CEP128: variants seen among roughly 807,000 people sequenced by gnomAD.
The protein encoded by CEP128 is centrosomal protein 128kDa.
Under a neutral mutation model 156.7 loss-of-function variants are expected in CEP128, and 132 were observed. The ratio of observed to expected loss-of-function variants is 0.84; its 90% confidence interval spans 0.73 to 0.97. The LOEUF (loss-of-function observed/expected upper bound fraction) is 0.97. CEP128 is among the 50% of genes least tolerant of loss of function. CEP128 has a pLI of 0.00. For missense variants in CEP128, 1,252 were observed against 1,281.9 expected, an observed-to-expected ratio of 0.98 and a Z score of 0.36; for synonymous variants, 469 against 448.9, an observed-to-expected ratio of 1.04 and a Z score of -0.57.
chr14:80,617,562 G>C (rs1346236859), intron 19 of CEP128, among the ~76,000 whole-genome samples: 1 of 151,954 alleles, frequency 6.6e-6, no homozygotes, highest in Non-Finnish European at 1.5e-5. Context: ...AAGAACATAA[G>C]GTGGGGGGTG....
intron 20 of CEP128, among the ~76,000 whole-genome samples, chr14:80,571,004 T>G (rs1188380708): frequency 6.6e-6 from 1 of 152,238 alleles, no homozygotes; most frequent in African/African-American, 2.4e-5. Context: ...CCATATGTCT[T>G]TTCTAAGTAA....
chr14:80,540,074 G>A lies in CEP128; in HGVS notation c.2881-9188C>T, dbSNP rs149584159. Among the ~76,000 whole-genome samples, 434 of 152,238 alleles carry A rather than the reference G, an allele frequency of 2.9e-3. 2 individuals carry two copies. Among genetic ancestry groups the A allele is most frequent in the African/African-American group, 9.9e-3 (411 of 41,548 alleles). ...CCGCTGAACATAGACCCTTATCAAT[G>A]GTTCTGCTTTTTCCCTTTGTCCTGT... is the stretch of plus-strand genomic sequence containing the variant. On this transcript the variant is annotated intron_variant, in intron 21 of 24. Coordinates refer to ENST00000555265, the MANE Select transcript of CEP128 (RefSeq NM_152446.5).
intron 15 of CEP128, among the ~76,000 whole-genome samples, chr14:80,781,359 A>G (rs986928302): frequency 6.7e-6 from 1 of 149,618 alleles, no homozygotes; most frequent in African/African-American, 2.5e-5. Context: ...TGGGAGGCTG[A>G]GGCAGGAGAA....
At chr14:80,945,996 G>A (rs891471855), upstream of CEP128, among the ~76,000 whole-genome samples, 1 of 152,178 alleles carries the variant, frequency 6.6e-6, no homozygotes. Context: ...TTGGATTCAA[G>A]TCCGTTATAA....
At chr14:80,566,169 C>A (rs1166101142) in intron 20 of CEP128, among the ~76,000 whole-genome samples, 1 of 152,166 alleles carries the variant, frequency 6.6e-6, no homozygotes, top group African/African-American at 2.4e-5. Flanking sequence ...CACTCAACTT[C>A]ACCCAAAGAG....
At chr14:80,600,732 A>C (rs1892545855) in intron 19 of CEP128, among the ~76,000 whole-genome samples, 1 of 152,152 alleles carries the variant, frequency 6.6e-6, no homozygotes, top group South Asian at 2.1e-4. Context: ...ACATAGACAA[A>C]AATGTATTTT....
intron 1 of CEP128, among the ~76,000 whole-genome samples, chr14:80,941,182 A>T (rs866873726): frequency 1.3e-5 from 2 of 150,522 alleles, no homozygotes; most frequent in Non-Finnish European, 3.0e-5. Context: ...AACAGGTATT[A>T]AAAAAAAAAT....
intron 19 of CEP128, among the ~76,000 whole-genome samples, chr14:80,598,052 C>T (rs1281790567): frequency 1.3e-5 from 2 of 148,226 alleles, no homozygotes; most frequent in South Asian, 2.2e-4. Context: ...GACAAGAATA[C>T]CTACTCTCAC....
rs1555390205 is a variant in CEP128 at position 80,678,049 on chromosome 14, A to AATATATATATAT, written c.2806+65014_2806+65025dup. On this transcript the variant is annotated intron_variant, in intron 19 of 24. Transcript: ENST00000555265. ...ATGGACAGTTGCTCTATAAAAAAAAAATATATATATATATGTATATATATA... is the reference window on the plus strand; with the variant it reads ...ATGGACAGTTGCTCTATAAAAAAAAAATATATATATATATATATATATATATGTATATATATA... 9.7e-4 allele frequency among the ~76,000 whole-genome samples: 96 copies of AATATATATATAT among 98,480 alleles called. 1 individual carries two copies. The highest frequency in any genetic ancestry group is 2.7e-3 in the African/African-American group (86 of 31,746). 64.6% of individuals were successfully genotyped at this position (98,480 alleles called of 152,430 possible). A position where few individuals can be genotyped will look rare whatever the true frequency, so the allele number is the denominator to read the frequency against.
chr14:80,956,809 AG>A (rs1052714858), intron 2 of CEP128, among the ~76,000 whole-genome samples: 7 of 152,206 alleles, frequency 4.6e-5, no homozygotes, highest in Admixed American at 2.0e-4. Context: ...ATTTGAGCAC[AG>A]AGATATATTT....
chr14:80,641,636 G>C (rs1052982796), intron 19 of CEP128, among the ~76,000 whole-genome samples: 1 of 152,132 alleles, frequency 6.6e-6, no homozygotes, highest in African/African-American at 2.4e-5. Flanking sequence ...TATGGCTGCT[G>C]AAAGAGTGCT....
At chr14:80,626,629 G>T (rs565021348) in intron 19 of CEP128, among the ~76,000 whole-genome samples, 2 of 152,246 alleles carry the variant, frequency 1.3e-5, no homozygotes, top group South Asian at 4.2e-4. Context: ...AAAAGGGCAG[G>T]AGAAAGAATT....
chr14:80,896,111 A>G (rs1013593952), intron 7 of CEP128, among the ~76,000 whole-genome samples: 1 of 152,184 alleles, frequency 6.6e-6, no homozygotes, highest in African/African-American at 2.4e-5. Flanking sequence ...ATCACTCTCA[A>G]TAAACACACA....
intron 19 of CEP128, among the ~76,000 whole-genome samples, chr14:80,584,498 T>C (rs756422170): frequency 8.5e-5 from 13 of 152,168 alleles, no homozygotes; most frequent in Non-Finnish European, 1.5e-4. Context: ...CTATCTTTGA[T>C]ATTTAACTTA....
chr14:80,822,033 A>T (rs1158685098), intron 13 of CEP128, among the ~76,000 whole-genome samples: 1 of 152,046 alleles, frequency 6.6e-6, no homozygotes, highest in Non-Finnish European at 1.5e-5. Context: ...CACAGGAAAG[A>T]CCTGCCCCCG....
At chr14:80,544,029 C>T (rs1314542821) in intron 21 of CEP128, among the ~76,000 whole-genome samples, 1 of 152,136 alleles carries the variant, frequency 6.6e-6, no homozygotes, top group African/African-American at 2.4e-5. Flanking sequence ...CTGGATACAG[C>T]ATCCAGTCTT....
chr14:80,705,545 G>T (rs1201978875), intron 19 of CEP128, among the ~76,000 whole-genome samples: 1 of 152,112 alleles, frequency 6.6e-6, no homozygotes, highest in Non-Finnish European at 1.5e-5. Context: ...AAGTGGGGCT[G>T]GGAATGGGGG....
intron 2 of CEP128, among the ~76,000 whole-genome samples, chr14:80,953,309 G>A (rs1886506353): frequency 6.6e-6 from 1 of 152,178 alleles, no homozygotes; most frequent in Non-Finnish European, 1.5e-5. Context: ...AACACGGCCG[G>A]GCACGGTGGT....
At chr14:80,599,265 C>CTTTTTTTT (rs375136337) in intron 19 of CEP128, among the ~76,000 whole-genome samples, 6 of 85,406 alleles carry the variant, frequency 7.0e-5, no homozygotes, top group South Asian at 4.1e-4. Flanking sequence ...CAGTCATATT[C>CTTTTTTTT]TTTTTTTTTT....
Sources: allele counts gnomAD v4.1 joint callset (sites outside exome capture counted in the v4.1 genomes callset), GRCh38; gene constraint gnomAD v4.1.1; transcripts MANE v1.5; gene names NCBI Gene and HGNC (gene_info 2026-07-23, HGNC 2026-07-21).